The following DPYSL5 variants were observed in gnomAD, a reference collection of about 807,000 sequenced individuals.
The protein encoded by DPYSL5 is dihydropyrimidinase-related protein 5.
A neutral mutation model predicts 58.4 loss-of-function variants in DPYSL5; 9 were observed. The observed-to-expected ratio is 0.15, with a 90% CI of 0.09 to 0.27. The LOEUF is 0.27. DPYSL5 is among the 10% of genes least tolerant of loss of function. The pLI is 1.00. For missense variants in DPYSL5, 499 were observed against 770.6 expected (o/e 0.65, Z 4.17); for synonymous variants, 293 against 301.9 (o/e 0.97, Z 0.31).
chr2:26,906,338 C>G (rs968002405), intron 2 of DPYSL5, among the ~76,000 whole-genome samples: 5 of 151,776 alleles, frequency 3.3e-5, no homozygotes, highest in Non-Finnish European at 7.4e-5. Context: ...CGCCTGCCAC[C>G]ACGCCCAGCT....
chr2:26,941,908 C>T (rs764257438), intron 9 of DPYSL5, 42 bp from the exon 10 acceptor site: 109 of 1,612,768 alleles, frequency 6.8e-5, no homozygotes, highest in Admixed American at 5.5e-4. Flanking sequence ...TGAGACCCAC[C>T]CCCAGAGCCT....
chr2:26,867,084 G>A (rs1038003266), intron 1 of DPYSL5, among the ~76,000 whole-genome samples: 2 of 151,750 alleles, frequency 1.3e-5, no homozygotes, highest in African/African-American at 2.4e-5. Flanking sequence ...AACACCACCC[G>A]TTCACCCTTA....
chr2:26,865,378 T>C (rs547208389), intron 1 of DPYSL5, among the ~76,000 whole-genome samples: 21 of 145,698 alleles, frequency 1.4e-4, no homozygotes, highest in African/African-American at 5.1e-4. Flanking sequence ...TGGAGTGCAG[T>C]GGCGCGATCT....
Position 26,942,019 on chromosome 2 carries a change from C to G in DPYSL5, c.1159C>G (p.Leu387Val), listed in dbSNP as rs138627302. 24 of 1,614,092 alleles carry G rather than the reference C, an allele frequency of 1.5e-5. No homozygotes were observed. Among genetic ancestry groups the G allele is most frequent in the Middle Eastern group, 1.6e-4 (1 of 6,074 alleles). Reference sequence around the variant, plus strand: ...TTCCAACGCAGCTAAGCTTCTGAACCTGTATCCCCGCAAGGGCCGCATTAT... The same window carrying G: ...TTCCAACGCAGCTAAGCTTCTGAACGTGTATCCCCGCAAGGGCCGCATTAT... ...TSSNAAKLLN[L>V]YPRKGRIIPG... Residue 387 changes from leucine (L) to valine (V), a missense_variant, in exon 10 of 13, where the codon CTG becomes GTG. Leu to Val is a conservative substitution (Grantham distance 32, BLOSUM62 1). Coordinates refer to ENST00000288699, the MANE Select transcript of DPYSL5 (RefSeq NM_020134.4). The surrounding 1 kb of genome is among the most constrained non-coding windows in gnomAD (Gnocchi z 5.9).
At chr2:26,892,163 C>T (rs1663897254) in intron 1 of DPYSL5, among the ~76,000 whole-genome samples, 1 of 152,278 alleles carries the variant, frequency 6.6e-6, no homozygotes, top group East Asian at 1.9e-4. Context: ...TTTTTATGAC[C>T]TTTAATGGGC....
chr2:26,862,166 AC>A (rs1666032528), intron 1 of DPYSL5, among the ~76,000 whole-genome samples: 1 of 152,354 alleles, frequency 6.6e-6, no homozygotes, highest in South Asian at 2.1e-4. Context: ...AGGGCTCCTG[AC>A]CCACAGAGTG....
intron 2 of DPYSL5, among the ~76,000 whole-genome samples, chr2:26,906,761 A>C (rs72851826): frequency 0.015 from 2,259 of 152,062 alleles, 48 homozygotes; most frequent in African/African-American, 0.05. Flanking sequence ...CTAAATCATA[A>C]TTTATTTATT....
chr2:26,852,465 T>C (rs1268090792), intron 1 of DPYSL5, among the ~76,000 whole-genome samples: 1 of 152,188 alleles, frequency 6.6e-6, no homozygotes, highest in Non-Finnish European at 1.5e-5. Flanking sequence ...AGGAACATGG[T>C]GTATGATTTG....
rs938332459 is a variant in DPYSL5 at position 26,924,701 on chromosome 2, G to T, written c.262-186G>T. 9.9e-5 allele frequency among the ~76,000 whole-genome samples: 15 copies of T among 152,104 alleles called. No homozygotes were observed. The highest frequency in any genetic ancestry group is 2.7e-4 in the African/African-American group (11 of 41,400). On this transcript the variant is annotated intron_variant, in intron 2 of 12. Coordinates refer to ENST00000288699, the MANE Select transcript of DPYSL5 (RefSeq NM_020134.4). This position sits in a 1 kb window ranked among gnomAD's most constrained non-coding sequence, Gnocchi z 4.7. ...TTGGGGACCCGTGGTCATGATGAAG[G>T]TCGCGCTGGCTCTCGCACCTCCACA...
chr2:26,915,077 C>G (rs998459999), intron 2 of DPYSL5, among the ~76,000 whole-genome samples: 2 of 152,092 alleles, frequency 1.3e-5, no homozygotes, highest in African/African-American at 4.8e-5. Flanking sequence ...CCCACCCTCT[C>G]CTCCTGTGTA....
rs1423521621 is a variant in DPYSL5, at chr2:26,927,183, G to A, written c.421-70G>A. 1.3e-5 allele frequency: 20 copies of A among 1,496,572 alleles called. No homozygotes were observed. The highest frequency in any genetic ancestry group is 2.0e-5 in the Admixed American group (1 of 49,868). 92.7% of individuals were successfully genotyped at this position (1,496,572 alleles called of 1,614,324 possible). On this transcript the variant is annotated intron_variant, in intron 3 of 12. Transcript: ENST00000288699. The surrounding 1 kb of genome is among the most constrained non-coding windows in gnomAD (Gnocchi z 4.3). The stretch of plus-strand genomic sequence containing the variant: ...AGGCCCCACATCTCCCCCATGCTGG[G>A]CCGGTGCCTGCCAGTCGGCCTCTTG...
rs1342247196 is a variant in DPYSL5, at chr2:26,849,256, C to T, written c.-5+1002C>T. 6.6e-6 allele frequency among the ~76,000 whole-genome samples: 1 copy of T among 151,222 alleles called. No individual in the cohort carries two copies. Among genetic ancestry groups the T allele is most frequent in the Non-Finnish European group, 1.5e-5 (1 of 67,716 alleles). ...AGGAGGGATGCAGGCGGGTGGAGGC[C>T]GCCTGGGTTTGAGGAGGGAGGACGG... On this transcript the variant is annotated intron_variant, in intron 1 of 12. Coordinates refer to ENST00000288699, the MANE Select transcript of DPYSL5 (RefSeq NM_020134.4). The surrounding 1 kb of genome is among the most constrained non-coding windows in gnomAD (Gnocchi z 6.2).
In DPYSL5 at chr2:26,925,632, C is replaced by T. The variant is rs1664813477; in HGVS notation, c.420+587C>T. 6.6e-6 allele frequency among the ~76,000 whole-genome samples: 1 copy of T among 152,186 alleles called. No homozygotes were observed. The highest frequency in any genetic ancestry group is 6.5e-5 in the Admixed American group (1 of 15,282). On this transcript the variant is annotated intron_variant, in intron 3 of 12. Transcript: ENST00000288699. This position sits in a 1 kb window ranked among gnomAD's most constrained non-coding sequence, Gnocchi z 4.5. ...CTTTCTCAGTTCAGCCTCTGTGCCT[C>T]CTTTGTGTCTGTGCCCCTGGCCTCT...
intron 1 of DPYSL5, among the ~76,000 whole-genome samples, chr2:26,872,749 G>T (rs1260842772): frequency 6.6e-6 from 1 of 151,780 alleles, no homozygotes; most frequent in African/African-American, 2.4e-5. Context: ...ATTAAAAATG[G>T]CGTGAGCCAA....
intron 1 of DPYSL5, among the ~76,000 whole-genome samples, chr2:26,891,703 C>A (rs1002861996): frequency 6.6e-6 from 1 of 151,880 alleles, no homozygotes; most frequent in Non-Finnish European, 1.5e-5. Flanking sequence ...GACAGAGTCT[C>A]GCTCTGTTGC....
At position 26,851,103 on chromosome 2, in the gene DPYSL5, A is replaced by G. The variant is rs1453961681; in HGVS notation, c.-5+2849A>G. On this transcript the variant is annotated intron_variant, in intron 1 of 12. Coordinates refer to ENST00000288699, the MANE Select transcript of DPYSL5 (RefSeq NM_020134.4). ...GAATCTCAATATTAGAAACCTAGAAATCTGACAGTGAAGGTTTTTTCTTGT... is the reference window on the plus strand; with the variant it reads ...GAATCTCAATATTAGAAACCTAGAAGTCTGACAGTGAAGGTTTTTTCTTGT... 3.3e-5 allele frequency among the ~76,000 whole-genome samples: 5 copies of G among 152,328 alleles called. No individual in the cohort carries two copies. In the East Asian group the frequency reaches 9.6e-4, roughly 29 times the overall value.
At chr2:26,918,045 G>A (rs886085290) in intron 2 of DPYSL5, among the ~76,000 whole-genome samples, 4 of 147,120 alleles carry the variant, frequency 2.7e-5, no homozygotes, top group Non-Finnish European at 5.9e-5. Flanking sequence ...GCTGGGGCAC[G>A]AGAATCTCTT....
chr2:26,882,429 CTG>C (rs145178218), intron 1 of DPYSL5, among the ~76,000 whole-genome samples: 7,034 of 145,962 alleles, frequency 0.048, 187 homozygotes, highest in Non-Finnish European at 0.055. Context: ...GTGTGTGTGT[CTG>C]TGTGTGTGTG....
chr2:26,932,203 G>GA lies in DPYSL5; in HGVS notation c.714+522dup, dbSNP rs761643547. ...AGAAAGAAAGAAAGAAAGAAAGAAAGAAAGAAAAGAAAGAAAGAAAGAAAG... is the reference window on the plus strand; with the variant it reads ...AGAAAGAAAGAAAGAAAGAAAGAAAGAAAAGAAAAGAAAGAAAGAAAGAAAG... On this transcript the variant is annotated intron_variant, in intron 6 of 12. Transcript: ENST00000288699. Among the ~76,000 whole-genome samples, 393 of 61,006 alleles carry GA rather than the reference G, an allele frequency of 6.4e-3. 4 individuals carry two copies. The highest frequency in any genetic ancestry group is 7.5e-3 in the Non-Finnish European group (195 of 26,110). 40.0% of individuals were successfully genotyped at this position (61,006 alleles called of 152,430 possible). A position where few individuals can be genotyped will look rare whatever the true frequency, so the allele number is the denominator to read the frequency against.
Sources: gnomAD v4.1 joint callset for allele counts (sites outside exome capture counted in the v4.1 genomes callset) on GRCh38, gnomAD v4.1.1 for gene constraint, Gnocchi (gnomAD v3.1) non-coding constraint, MANE v1.5 for transcripts, NCBI Gene and HGNC (gene_info 2026-07-23, HGNC 2026-07-21) for gene names.